EPHB2: variants seen among roughly 807,000 people sequenced by gnomAD.
EPHB2 encodes the protein EPH receptor B2, also known as ephrin type-B receptor 2.
Under a neutral mutation model 96.4 loss-of-function variants are expected in EPHB2, and 18 were observed. The ratio of observed to expected loss-of-function variants is 0.19; its 90% CI spans 0.13 to 0.28. EPHB2 has a LOEUF of 0.28. EPHB2 is among the 10% of genes least tolerant of loss of function. The probability of loss-of-function intolerance (pLI) is 1.00; values close to 1 mark genes in which losing one functional copy is unlikely to be tolerated. For synonymous variants in EPHB2, 506 were observed against 534.1 expected (o/e 0.95, Z 0.72); for missense variants, 989 against 1,355.4 (o/e 0.73, Z 4.25).
chr1:22,876,929 C>G (rs1360787078), intron 5 of EPHB2, among the ~76,000 whole-genome samples: 1 of 152,218 alleles, frequency 6.6e-6, no homozygotes, highest in Non-Finnish European at 1.5e-5. Flanking sequence ...GTAACCCAAG[C>G]CTGCCAGCTA....
At chr1:22,753,898 C>G (rs1049601973) in intron 1 of EPHB2, among the ~76,000 whole-genome samples, 2 of 152,204 alleles carry the variant, frequency 1.3e-5, no homozygotes, top group Non-Finnish European at 2.9e-5. Context: ...TTCCCCAAAC[C>G]TCTGCCTCAA....
intron 1 of EPHB2, chr1:22,719,378 A>G (rs938489017): frequency 6.5e-6 from 1 of 153,536 alleles, no homozygotes; most frequent in African/African-American, 2.4e-5. Flanking sequence ...CTTAGCCAAC[A>G]TTTGAAAATC....
chr1:22,859,019 T>C (rs1645749092), intron 3 of EPHB2, among the ~76,000 whole-genome samples: 2 of 152,124 alleles, frequency 1.3e-5, no homozygotes, highest in South Asian at 2.1e-4. Flanking sequence ...ATGCCTGTAA[T>C]CCCAGCTACT....
Position 22,775,124 on chromosome 1 carries a change from T to G in EPHB2, c.62-6297T>G, listed in dbSNP as rs2148410964. 1.3e-5 allele frequency: 10 copies of G among 769,146 alleles called. No individual in the cohort carries two copies. The South Asian group carries it at 1.4e-4, about 11-fold the overall frequency. 47.6% of individuals were successfully genotyped at this position (769,146 alleles called of 1,614,324 possible). ...ATGCACACACACAAGCCCTGATGACTTTGTTGTTTTGTGTTGTCTGTTTTT... is the reference window on the plus strand; with the variant it reads ...ATGCACACACACAAGCCCTGATGACGTTGTTGTTTTGTGTTGTCTGTTTTT... On this transcript the variant is annotated intron_variant, in intron 1 of 15. Transcript: ENST00000374630.
intron 1 of EPHB2, among the ~76,000 whole-genome samples, chr1:22,756,072 G>A (rs1338365825): frequency 1.3e-5 from 2 of 152,118 alleles, no homozygotes; most frequent in Admixed American, 6.5e-5. Context: ...AGGTGGAAAC[G>A]CAGGGAGAGG....
intron 1 of EPHB2, among the ~76,000 whole-genome samples, chr1:22,726,451 C>T (rs1310061747): frequency 2.6e-5 from 4 of 151,104 alleles, no homozygotes; most frequent in Non-Finnish European, 4.4e-5. Context: ...GACGGAGTCT[C>T]GTTCTGTCAC....
chr1:22,826,565 G>A (rs1645227087), intron 3 of EPHB2, among the ~76,000 whole-genome samples: 1 of 152,340 alleles, frequency 6.6e-6, no homozygotes. Flanking sequence ...GACTGGAGAG[G>A]TAGTCTCCAA....
intron 1 of EPHB2, among the ~76,000 whole-genome samples, chr1:22,722,860 G>A (rs1175058594): frequency 3.3e-5 from 5 of 152,200 alleles, no homozygotes; most frequent in Admixed American, 2.0e-4. Context: ...TGGAAGAGGC[G>A]ACTTCTAAGA....
At chr1:22,862,889 C>G in intron 3 of EPHB2, 148 bp from the exon 4 acceptor site, 3 of 1,112,186 alleles carry the variant, frequency 2.7e-6, no homozygotes, top group Non-Finnish European at 4.0e-6. Flanking sequence ...CTGGAGACTT[C>G]AAACCCTTCA....
intron 6 of EPHB2, among the ~76,000 whole-genome samples, chr1:22,884,414 G>A (rs1267413364): frequency 6.6e-6 from 1 of 152,152 alleles, no homozygotes; most frequent in African/African-American, 2.4e-5. Context: ...GCCAAGGTGG[G>A]TGGATCACGG....
chr1:22,885,444 G>C (rs916618991), intron 6 of EPHB2, among the ~76,000 whole-genome samples: 1 of 152,242 alleles, frequency 6.6e-6, no homozygotes, highest in Admixed American at 6.5e-5. Flanking sequence ...CGCTGCTGGG[G>C]TTGGCAGGAC....
intron 1 of EPHB2, among the ~76,000 whole-genome samples, chr1:22,713,845 G>T (rs977561741): frequency 6.6e-6 from 1 of 152,190 alleles, no homozygotes; most frequent in Non-Finnish European, 1.5e-5. Flanking sequence ...TGTATACGGG[G>T]GGTTTCTAGG....
In EPHB2 at chr1:22,905,980, C is replaced by T. The variant is rs1391550578; in HGVS notation, c.1766-7C>T. 1 of 1,614,010 alleles carries T rather than the reference C, an allele frequency of 6.2e-7. No homozygotes were observed. Among genetic ancestry groups the T allele is most frequent in the Non-Finnish European group, 8.5e-7 (1 of 1,180,006 alleles). On this transcript the variant is annotated splice_region_variant and splice_polypyrimidine_tract_variant and intron_variant, in intron 9 of 15. Coordinates refer to ENST00000374630, the MANE Select transcript of EPHB2 (RefSeq NM_017449.5). ...TCCATATGACAGAGCCTGGTCTTGT[C>T]CCCCAGTGACCCCAGGCATGAAGAT...
Position 22,907,990 on chromosome 1 carries a change from G to A in EPHB2, c.2174G>A (p.Gly725Asp). The stretch of plus-strand genomic sequence containing the variant: ...CAGTTCACAGTCATCCAGCTGGTGG[G>A]CATGCTTCGGGGCATCGCAGCTGGC... ...DGQFTVIQLV[G>D]MLRGIAAGMK... Residue 725 changes from glycine (G) to aspartate (D), a missense_variant, in exon 12 of 16, where the codon GGC (glycine) becomes GAC (aspartate). Physicochemically the swap from Gly to Asp is moderately conservative, Grantham distance 94. Transcript: ENST00000374630. The A allele has an allele frequency of 6.2e-7, 1 of 1,614,282 alleles. No homozygotes were observed. The highest frequency in any genetic ancestry group is 8.5e-7 in the Non-Finnish European group (1 of 1,180,054).
chr1:22,904,975 C>T (rs1264306989), intron 9 of EPHB2, among the ~76,000 whole-genome samples: 2 of 152,168 alleles, frequency 1.3e-5, no homozygotes, highest in Non-Finnish European at 2.9e-5. Flanking sequence ...TTGCAGCTCC[C>T]GGAGTGGCAG....
chr1:22,740,879 T>C (rs564193472), intron 1 of EPHB2, among the ~76,000 whole-genome samples: 1 of 152,148 alleles, frequency 6.6e-6, no homozygotes, highest in African/African-American at 2.4e-5. Flanking sequence ...ATCAGTAAAA[T>C]AGGGAGCAGA....
At chr1:22,761,124 C>T (rs887247932) in intron 1 of EPHB2, among the ~76,000 whole-genome samples, 1 of 152,142 alleles carries the variant, frequency 6.6e-6, no homozygotes, top group African/African-American at 2.4e-5. Flanking sequence ...GAGCCTGCCC[C>T]CATGATTCTC....
intron 1 of EPHB2, among the ~76,000 whole-genome samples, chr1:22,777,546 A>G (rs902806195): frequency 5.3e-5 from 8 of 152,200 alleles, no homozygotes; most frequent in Non-Finnish European, 1.0e-4. Flanking sequence ...TCTTGAGGCA[A>G]TAACTATTAA....
chr1:22,889,740 T>C (rs1639334252), intron 6 of EPHB2, among the ~76,000 whole-genome samples: 1 of 152,150 alleles, frequency 6.6e-6, no homozygotes, highest in Non-Finnish European at 1.5e-5. Flanking sequence ...GGAAAGGGTA[T>C]TTCAGACAGG....
Sources: allele counts gnomAD v4.1 joint callset (sites outside exome capture counted in the v4.1 genomes callset), GRCh38; gene constraint gnomAD v4.1.1; transcripts MANE v1.5; gene names NCBI Gene and HGNC (gene_info 2026-07-23, HGNC 2026-07-21).